Variants in CNBD1 observed in about 807,000 individuals in gnomAD.
CNBD1 encodes the protein cyclic nucleotide-binding domain-containing protein 1.
CNBD1 carries 71 observed loss-of-function variants against 54.4 expected under a neutral mutation model. The observed-to-expected ratio is 1.30, with a 90% CI of 1.08 to 1.59. The LOEUF is 1.59. Among genes scored for constraint, CNBD1 ranks in the 40% most tolerant of loss-of-function variants. CNBD1 has a pLI of 0.00. For missense variants in CNBD1, 659 were observed against 518.0 expected, an observed-to-expected ratio of 1.27 and a Z score of -2.64; for synonymous variants, 182 against 170.7, an observed-to-expected ratio of 1.07 and a Z score of -0.51.
intron 4 of CNBD1, among the ~76,000 whole-genome samples, chr8:87,048,480 T>C (rs1409541119): frequency 6.6e-6 from 1 of 152,166 alleles, no homozygotes; most frequent in Non-Finnish European, 1.5e-5. Context: ...ATTTGTTTTT[T>C]CTATTTTTCA....
intron 4 of CNBD1, among the ~76,000 whole-genome samples, chr8:86,992,842 C>T (rs543985608): frequency 5.3e-5 from 8 of 152,124 alleles, no homozygotes; most frequent in Non-Finnish European, 7.4e-5. Context: ...GGGTCCCCTT[C>T]GTATGTGCCT....
intron 8 of CNBD1, among the ~76,000 whole-genome samples, chr8:87,303,542 A>C (rs1054852310): frequency 2.6e-5 from 4 of 152,174 alleles, no homozygotes; most frequent in African/African-American, 9.7e-5. Context: ...CCCTGGAAGA[A>C]AACCTAGGCA....
intron 2 of CNBD1, among the ~76,000 whole-genome samples, chr8:87,421,054 G>A (rs922248939): frequency 6.6e-6 from 1 of 151,922 alleles, no homozygotes; most frequent in East Asian, 1.9e-4. Flanking sequence ...AACTGAAAAT[G>A]CTTCATAATT....
At chr8:86,970,312 C>T (rs1169246069) in intron 4 of CNBD1, among the ~76,000 whole-genome samples, 1 of 152,068 alleles carries the variant, frequency 6.6e-6, no homozygotes, top group East Asian at 1.9e-4. Context: ...CTAATTATGT[C>T]CTATGTGTCT....
chr8:87,341,274 A>G (rs1810058214), intron 8 of CNBD1, among the ~76,000 whole-genome samples: 1 of 152,042 alleles, frequency 6.6e-6, no homozygotes, highest in Non-Finnish European at 1.5e-5. Flanking sequence ...TGACACCCAG[A>G]TATCTAGAGT....
chr8:86,907,241 A>G (rs536265553), intron 3 of CNBD1, among the ~76,000 whole-genome samples: 1 of 152,144 alleles, frequency 6.6e-6, no homozygotes, highest in Non-Finnish European at 1.5e-5. Flanking sequence ...TCTAAATTAT[A>G]TCATATCCCT....
At chr8:87,379,775 A>G (rs1161869280) in intron 10 of CNBD1, among the ~76,000 whole-genome samples, 1 of 151,938 alleles carries the variant, frequency 6.6e-6, no homozygotes, top group South Asian at 2.1e-4. Flanking sequence ...TTTATATATA[A>G]AAAATGAAAT....
chr8:87,332,537 A>T (rs1398653429), intron 8 of CNBD1, among the ~76,000 whole-genome samples: 1 of 152,114 alleles, frequency 6.6e-6, no homozygotes, highest in African/African-American at 2.4e-5. Flanking sequence ...TCTTTAATCC[A>T]TCTTGAGTTA....
chr8:87,211,326 C>T (rs1458385137), intron 5 of CNBD1, among the ~76,000 whole-genome samples: 1 of 152,000 alleles, frequency 6.6e-6, no homozygotes, highest in Non-Finnish European at 1.5e-5. Flanking sequence ...GGACTTGGGA[C>T]TTTTGAGTTA....
chr8:87,138,351 A>G (rs1456421928), intron 4 of CNBD1, among the ~76,000 whole-genome samples: 2 of 152,182 alleles, frequency 1.3e-5, no homozygotes, highest in African/African-American at 4.8e-5. Context: ...CTCTACCCAG[A>G]TGCCTCATTC....
At chr8:87,427,965 C>G (rs1479036183) in intron 2 of CNBD1, among the ~76,000 whole-genome samples, 1 of 152,046 alleles carries the variant, frequency 6.6e-6, no homozygotes, top group Non-Finnish European at 1.5e-5. Context: ...CTTCTAAATC[C>G]TATTGGTTTG....
At chr8:87,012,595 A>T (rs1676378904) in intron 4 of CNBD1, among the ~76,000 whole-genome samples, 1 of 152,182 alleles carries the variant, frequency 6.6e-6, no homozygotes, top group Admixed American at 6.5e-5. Flanking sequence ...ACTAAGAGCC[A>T]GTCACCCTTT....
chr8:86,901,862 G>A (rs7826770), intron 2 of CNBD1, among the ~76,000 whole-genome samples: 1,961 of 152,198 alleles, frequency 0.013, 33 homozygotes, highest in Middle Eastern at 0.041. Context: ...GCCTAGACCA[G>A]GGGAAGGGTG....
chr8:86,999,620 C>T (rs113796103), intron 4 of CNBD1, among the ~76,000 whole-genome samples: 5 of 152,254 alleles, frequency 3.3e-5, no homozygotes, highest in Non-Finnish European at 7.3e-5. Flanking sequence ...GCCCTTCCCC[C>T]GGTTGAGATC....
intron 8 of CNBD1, among the ~76,000 whole-genome samples, chr8:87,322,274 G>A (rs2130900974): frequency 8.1e-6 from 1 of 123,906 alleles, no homozygotes; most frequent in East Asian, 2.0e-4. Flanking sequence ...ACGTGTGCAT[G>A]TGTCTTTACA....
chr8:86,977,719 T>A (rs1337929949), intron 4 of CNBD1, among the ~76,000 whole-genome samples: 3 of 152,028 alleles, frequency 2.0e-5, no homozygotes. Flanking sequence ...AGACCAATAA[T>A]GAGTAAGTAG....
chr8:87,219,515 G>T (rs1814280837), intron 5 of CNBD1, among the ~76,000 whole-genome samples: 1 of 151,826 alleles, frequency 6.6e-6, no homozygotes, highest in South Asian at 2.1e-4. Context: ...GATGTCTAAA[G>T]ACCATATATA....
chr8:87,351,765 G>C lies in CNBD1; in HGVS notation c.1123G>C (p.Gly375Arg). ...CTGTAACATTTATAGAAGTATTATA[G>C]GATTTGTGAAACTACGATCAAATAA... ...GCCNIYRSII[G>R]FVKLRSNKVK... The change falls in exon 9 of 11, where the codon GGA becomes CGA. Residue 375 changes from glycine (G) to arginine (R), a missense_variant. By Grantham distance (125) the Gly-to-Arg change is moderately radical (BLOSUM62 -2). Coordinates refer to ENST00000518476, the MANE Select transcript of CNBD1 (RefSeq NM_173538.3). 4 of 1,514,558 alleles carry C rather than the reference G, an allele frequency of 2.6e-6. No homozygotes were observed. The highest frequency in any genetic ancestry group is 1.3e-5 in the South Asian group (1 of 74,888). The allele number at this position is 1,514,558 out of a possible 1,614,324, so 93.8% of individuals were successfully genotyped here. A position where few individuals can be genotyped will look rare whatever the true frequency, so the allele number is the denominator to read the frequency against.
intron 4 of CNBD1, among the ~76,000 whole-genome samples, chr8:87,134,997 T>A (rs1177815888): frequency 6.6e-6 from 1 of 152,152 alleles, no homozygotes; most frequent in East Asian, 1.9e-4. Context: ...TTTATTAATG[T>A]TCACACTTAG....
Sources: allele counts gnomAD v4.1 joint callset (sites outside exome capture counted in the v4.1 genomes callset), GRCh38; gene constraint gnomAD v4.1.1; transcripts MANE v1.5; gene names NCBI Gene and HGNC (gene_info 2026-07-23, HGNC 2026-07-21).